The following CACNA1B variants were observed in gnomAD, a reference collection of about 807,000 sequenced individuals.
CACNA1B encodes calcium voltage-gated channel subunit alpha1 B, also known as voltage-dependent N-type calcium channel subunit alpha-1B.
A neutral mutation model predicts 247.2 loss-of-function variants in CACNA1B; 70 were observed. The ratio of observed to expected loss-of-function variants is 0.28; its 90% CI spans 0.23 to 0.35. The LOEUF (loss-of-function observed/expected upper bound fraction) is 0.35, where lower values mean the gene tolerates loss of function less well. CACNA1B is among the 10% of genes least tolerant of loss of function. The pLI, the probability that CACNA1B is intolerant of heterozygous loss-of-function variation, is 1.00. For missense variants in CACNA1B, 2,367 were observed against 3,197.4 expected (o/e 0.74, Z 6.26); for synonymous variants, 1,231 against 1,294.4 (o/e 0.95, Z 1.05).
chr9:137,976,141 C>G (rs1958217865), intron 12 of CACNA1B, 122 bp downstream of exon 12: 3 of 662,178 alleles, frequency 4.5e-6, no homozygotes, highest in Non-Finnish European at 8.0e-6. Context: ...GTCAGAAAGG[C>G]TGCCTGAAGA....
At chr9:138,118,261 A>G (rs1456820143) in intron 43 of CACNA1B, among the ~76,000 whole-genome samples, 180 bp downstream of exon 43, 2 of 26,878 alleles carry the variant, frequency 7.4e-5, no homozygotes, top group Admixed American at 5.0e-4. Flanking sequence ...GTGTGAGACC[A>G]GGGTGGGGGA....
Position 138,011,147 on chromosome 9 carries a change from G to C in CACNA1B, c.2160+1070G>C, listed in dbSNP as rs2133420176. The stretch of plus-strand genomic sequence containing the variant: ...TGGTTTCTGGCTTCTCTCTGTTCCT[G>C]TCTTCAGCTGGGCCGCTTGGGTTGG... On this transcript the variant is annotated intron_variant, in intron 17 of 46. Coordinates refer to ENST00000371372, the MANE Select transcript of CACNA1B (RefSeq NM_000718.4). The surrounding 1 kb of genome is among the most constrained non-coding windows in gnomAD (Gnocchi z 4.2). Among the ~76,000 whole-genome samples, 1 of 152,306 alleles carries C rather than the reference G, an allele frequency of 6.6e-6. No individual in the cohort carries two copies. The highest frequency in any genetic ancestry group is 3.4e-3 in the Middle Eastern group (1 of 294).
chr9:137,989,479 A>G (rs1340964778), intron 15 of CACNA1B, among the ~76,000 whole-genome samples: 2 of 152,244 alleles, frequency 1.3e-5, no homozygotes, highest in African/African-American at 4.8e-5. Flanking sequence ...ACATGTGCTC[A>G]GATGATCAAG....
intron 3 of CACNA1B, among the ~76,000 whole-genome samples, chr9:137,908,293 A>T (rs566701032): frequency 6.6e-6 from 1 of 152,240 alleles, no homozygotes; most frequent in South Asian, 2.1e-4. Context: ...AGGCGGGCGG[A>T]TCACCTGAGG....
rs557474831 is a variant in CACNA1B at position 137,888,489 on chromosome 9, G to A, written c.530+5606G>A. The stretch of plus-strand genomic sequence containing the variant: ...CCACCCCTGTTGTGGCTCCAGCCTG[G>A]TGCTACCCTCCATGGCCCTTGGGGA... On this transcript the variant is annotated intron_variant, in intron 3 of 46. Transcript: ENST00000371372. This position sits in a 1 kb window ranked among gnomAD's most constrained non-coding sequence, Gnocchi z 4.7. Among the ~76,000 whole-genome samples the A allele has an allele frequency of 4.0e-4, 61 of 152,360 alleles. No individual in the cohort carries two copies. The highest frequency in any genetic ancestry group is 7.8e-4 in the Non-Finnish European group (53 of 68,032).
rs1472347530 is a variant in CACNA1B, at chr9:137,919,421, G to C, written c.966+1990G>C. 6.6e-6 allele frequency among the ~76,000 whole-genome samples: 1 copy of C among 152,232 alleles called. No individual in the cohort carries two copies. ...GATGCTACAACACCTTGGAAGCTTG[G>C]CCGGGGCAGCAAGATGCAGTCATGG... is the stretch of plus-strand genomic sequence containing the variant. On this transcript the variant is annotated intron_variant, in intron 6 of 46. Transcript: ENST00000371372. The surrounding 1 kb of genome is among the most constrained non-coding windows in gnomAD (Gnocchi z 4.6).
At chr9:138,046,317 T>TC (rs1260038427) in intron 21 of CACNA1B, among the ~76,000 whole-genome samples, 1 of 152,134 alleles carries the variant, frequency 6.6e-6, no homozygotes, top group African/African-American at 2.4e-5. Flanking sequence ...GTGGAGTGTG[T>TC]CCCCGTGCAG....
chr9:138,065,755 C>G (rs1210493083), intron 31 of CACNA1B, among the ~76,000 whole-genome samples: 1 of 152,200 alleles, frequency 6.6e-6, no homozygotes, highest in African/African-American at 2.4e-5. Context: ...TGGCACTTAG[C>G]CATGGTTCAC....
At chr9:138,022,933 G>T in intron 18 of CACNA1B, 78 bp from the exon 19 acceptor site, 1 of 1,424,982 alleles carries the variant, frequency 7.0e-7, no homozygotes, top group Non-Finnish European at 9.1e-7. Context: ...CTCCATTGCT[G>T]TGTGTGCATT....
At chr9:137,958,355 C>G (rs975075079) in intron 10 of CACNA1B, among the ~76,000 whole-genome samples, 1 of 152,190 alleles carries the variant, frequency 6.6e-6, no homozygotes, top group Non-Finnish European at 1.5e-5. Flanking sequence ...CCTCAGATAA[C>G]ACACACAAAC....
At chr9:137,941,875 C>A (rs1050630916) in intron 6 of CACNA1B, among the ~76,000 whole-genome samples, 3 of 152,126 alleles carry the variant, frequency 2.0e-5, no homozygotes, top group Non-Finnish European at 4.4e-5. Context: ...TATAAAAATT[C>A]TAGAAGATAA....
intron 6 of CACNA1B, among the ~76,000 whole-genome samples, chr9:137,921,517 CGGA>C (rs1011099490): frequency 1.4e-5 from 2 of 146,198 alleles, no homozygotes; most frequent in African/African-American, 5.1e-5. Flanking sequence ...GTAAAGCGTT[CGGA>C]GAACACCATC....
intron 36 of CACNA1B, among the ~76,000 whole-genome samples, chr9:138,086,910 T>A (rs1307585125): frequency 1.3e-5 from 2 of 151,284 alleles, no homozygotes; most frequent in South Asian, 2.1e-4. Flanking sequence ...AGATCAGATG[T>A]TAGGCCACAA....
chr9:138,049,993 A>C (rs1225253409), intron 24 of CACNA1B: 3 of 1,011,220 alleles, frequency 3.0e-6, no homozygotes, highest in South Asian at 2.7e-5. Context: ...GGGAGGGTCC[A>C]CATCTCTCTG....
At chr9:138,008,369 T>C (rs1337835383) in intron 16 of CACNA1B, among the ~76,000 whole-genome samples, 1 of 152,222 alleles carries the variant, frequency 6.6e-6, no homozygotes, top group Non-Finnish European at 1.5e-5. Context: ...TTAGTCCTGC[T>C]GGATCCCAAG....
At chr9:137,945,173 A>G (rs1957780727) in intron 6 of CACNA1B, among the ~76,000 whole-genome samples, 1 of 152,226 alleles carries the variant, frequency 6.6e-6, no homozygotes, top group Non-Finnish European at 1.5e-5. Context: ...GCTATACAGT[A>G]TTATAGTAGA....
intron 37 of CACNA1B, among the ~76,000 whole-genome samples, chr9:138,096,814 G>A (rs959222859): frequency 4.2e-5 from 6 of 143,612 alleles, no homozygotes; most frequent in African/African-American, 7.8e-5. Flanking sequence ...GTGTGCCTTC[G>A]CGCAGTGGCC....
chr9:137,894,970 C>T (rs896194913), intron 3 of CACNA1B, among the ~76,000 whole-genome samples: 4 of 152,072 alleles, frequency 2.6e-5, no homozygotes, highest in Non-Finnish European at 5.9e-5. Flanking sequence ...AAGATTTTTC[C>T]CGTGATTCTC....
At chr9:137,982,084 A>G (rs564700996) in intron 12 of CACNA1B, among the ~76,000 whole-genome samples, 1 of 152,306 alleles carries the variant, frequency 6.6e-6, no homozygotes, top group African/African-American at 2.4e-5. Flanking sequence ...TGGGGAACAA[A>G]TTATCCAAAA....
Sources: gnomAD v4.1 joint callset for allele counts (sites outside exome capture counted in the v4.1 genomes callset) on GRCh38, gnomAD v4.1.1 for gene constraint, Gnocchi (gnomAD v3.1) non-coding constraint, MANE v1.5 for transcripts, NCBI Gene and HGNC (gene_info 2026-07-23, HGNC 2026-07-21) for gene names.